Variants in NR2C2 observed in about 807,000 individuals in gnomAD.
NR2C2 encodes the protein Nuclear hormone receptor TR4.
NR2C2 carries 6 observed loss-of-function variants against 62.9 expected under a neutral mutation model. The observed-to-expected ratio is 0.10, with a 90% CI of 0.05 to 0.19. The LOEUF (loss-of-function observed/expected upper bound fraction) is 0.19. NR2C2 is among the 10% of genes least tolerant of loss of function. NR2C2 has a pLI of 1.00. For synonymous variants in NR2C2, 272 were observed against 273.8 expected (o/e 0.99, Z 0.07); for missense variants, 479 against 762.7 (o/e 0.63, Z 4.38).
chr3:15,014,810 G>A (rs2041460719), intron 3 of NR2C2, among the ~76,000 whole-genome samples: 1 of 152,110 alleles, frequency 6.6e-6, no homozygotes, highest in South Asian at 2.1e-4. Flanking sequence ...CCTTTTAAAG[G>A]CTGAGTAGTA....
In NR2C2 at chr3:15,032,277, A is replaced by G. The variant is rs561270939; in HGVS notation, c.1111-102A>G. ...GACTTCAGAATCAGACAGCAACTCT[A>G]GATGCCACTGCTATTGAAGCATGAC... On this transcript the variant is annotated intron_variant, in intron 9 of 13. Transcript: ENST00000425241. 2.6e-6 allele frequency: 4 copies of G among 1,513,898 alleles called. No homozygotes were observed. The African/African-American group carries it at 4.1e-5, about 16-fold the overall frequency. The allele number at this position is 1,513,898 out of a possible 1,614,324, so 93.8% of individuals were successfully genotyped here.
chr3:15,032,459 A>G lies in NR2C2; in HGVS notation c.1191A>G (p.Ser397=), dbSNP rs769009181. 6 of 1,613,980 alleles carry G rather than the reference A, an allele frequency of 3.7e-6. No individual in the cohort carries two copies. The highest frequency in any genetic ancestry group is 2.2e-5 in the East Asian group (1 of 44,898). ...CESASRLLFL[S]MHWARSIPAF... ...CTGCATCCCGTCTGCTTTTCCTCTC[A>G]ATGCACTGGGCTCGGTCAATCCCAG... Residue 397 remains serine, a synonymous_variant, in exon 10 of 14, where the codon TCA becomes TCG. Coordinates refer to ENST00000425241, the MANE Select transcript of NR2C2 (RefSeq NM_001291694.2).
intron 3 of NR2C2, among the ~76,000 whole-genome samples, chr3:15,015,448 A>G (rs938119795): frequency 6.6e-5 from 10 of 152,244 alleles, no homozygotes; most frequent in African/African-American, 2.2e-4. Context: ...TCGGAGTCCT[A>G]GTTATTTAAT....
chr3:15,039,014 G>T lies in NR2C2; in HGVS notation c.1511-108G>T. On this transcript the variant is annotated intron_variant, in intron 12 of 13. Transcript: ENST00000425241. ...CTAGATCAGTCTTTGAGTTCAATTT[G>T]TTGTACTTAAGAAGTTTGCAGAAGT... 4.0e-6 allele frequency: 3 copies of T among 755,328 alleles called. No individual in the cohort carries two copies. The highest frequency in any genetic ancestry group is 4.6e-6 in the Non-Finnish European group (2 of 437,844). 46.8% of individuals were successfully genotyped at this position (755,328 alleles called of 1,614,324 possible). A position where few individuals can be genotyped will look rare whatever the true frequency, so the allele number is the denominator to read the frequency against.
At chr3:15,038,195 G>A (rs969301657) in intron 12 of NR2C2, 58 bp downstream of exon 12, 4 of 1,514,406 alleles carry the variant, frequency 2.6e-6, no homozygotes, top group Non-Finnish European at 3.6e-6. Flanking sequence ...TGATGTTTCT[G>A]AACGTGAACA....
chr3:14,961,120 A>G (rs2039676534), intron 1 of NR2C2, among the ~76,000 whole-genome samples: 1 of 152,202 alleles, frequency 6.6e-6, no homozygotes, highest in Admixed American at 6.5e-5. Flanking sequence ...CTGTCACAGA[A>G]TTTTGACTCC....
chr3:14,983,533 T>A (rs980616368), intron 1 of NR2C2, among the ~76,000 whole-genome samples: 2 of 152,064 alleles, frequency 1.3e-5, no homozygotes, highest in Non-Finnish European at 2.9e-5. Flanking sequence ...GGATTTTGCA[T>A]CTGTGTTCAT....
chr3:15,047,796 C>G lies in NR2C2; in HGVS notation c.*4788C>G, dbSNP rs960109250. The G allele has an allele frequency of 1.3e-5, 2 of 152,250 alleles. No homozygotes were observed. Among genetic ancestry groups the G allele is most frequent in the African/African-American group, 4.8e-5 (2 of 41,464 alleles). 9.4% of individuals were successfully genotyped at this position (152,250 alleles called of 1,614,324 possible). On this transcript the variant is annotated 3_prime_UTR_variant, in exon 14 of 14. Coordinates refer to ENST00000425241, the MANE Select transcript of NR2C2 (RefSeq NM_001291694.2). The stretch of plus-strand genomic sequence containing the variant: ...CATATAAGCTACAGATCTCAAGTTA[C>G]TTCTCTAACTGTAAGCATGTAAATG...
intron 1 of NR2C2, among the ~76,000 whole-genome samples, chr3:14,974,583 G>A (rs536209445): frequency 6.6e-6 from 1 of 150,852 alleles, no homozygotes; most frequent in African/African-American, 2.4e-5. Context: ...TATAGTTTTC[G>A]GTGTATACTT....
At chr3:14,998,722 T>A (rs967130965) in intron 1 of NR2C2, among the ~76,000 whole-genome samples, 1 of 152,338 alleles carries the variant, frequency 6.6e-6, no homozygotes. Flanking sequence ...CAAAACTCAT[T>A]AATTTGAGTT....
chr3:14,998,405 T>G (rs2040892280), intron 1 of NR2C2, among the ~76,000 whole-genome samples: 1 of 152,208 alleles, frequency 6.6e-6, no homozygotes, highest in Non-Finnish European at 1.5e-5. Context: ...AAGGTTCCCA[T>G]CTCCACATTT....
chr3:14,988,882 G>A (rs540635398), intron 1 of NR2C2, among the ~76,000 whole-genome samples: 3 of 152,206 alleles, frequency 2.0e-5, no homozygotes, highest in Admixed American at 6.5e-5. Context: ...ACTTCTGTTT[G>A]TATGTGTGGA....
intron 9 of NR2C2, among the ~76,000 whole-genome samples, chr3:15,030,928 T>C (rs1378259823): frequency 6.6e-6 from 1 of 152,236 alleles, no homozygotes; most frequent in Non-Finnish European, 1.5e-5. Context: ...TCCAGAATGA[T>C]AGTCCCATTA....
At chr3:14,958,560 A>G (rs536194379) in intron 1 of NR2C2, among the ~76,000 whole-genome samples, 5 of 152,320 alleles carry the variant, frequency 3.3e-5, no homozygotes, top group African/African-American at 7.2e-5. Context: ...TATAGTAACC[A>G]CTTAGTGTTA....
At chr3:14,972,121 T>A (rs1221887854) in intron 1 of NR2C2, among the ~76,000 whole-genome samples, 2 of 151,588 alleles carry the variant, frequency 1.3e-5, no homozygotes, top group East Asian at 3.9e-4. Context: ...TAAATTTCTT[T>A]TAATTAAGAA....
At chr3:15,015,972 T>C (rs1028765131) in intron 3 of NR2C2, among the ~76,000 whole-genome samples, 180 bp from the exon 4 acceptor site, 7 of 152,072 alleles carry the variant, frequency 4.6e-5, no homozygotes, top group African/African-American at 1.7e-4. Context: ...TTGACTAATT[T>C]TGTATTTTTA....
At chr3:14,965,543 A>T (rs913074862) in intron 1 of NR2C2, among the ~76,000 whole-genome samples, 1 of 143,618 alleles carries the variant, frequency 7.0e-6, no homozygotes, top group African/African-American at 2.6e-5. Context: ...AAAAAAAAAA[A>T]AAAGCATTTT....
chr3:15,037,259 CAG>C (rs1246756381), intron 11 of NR2C2, among the ~76,000 whole-genome samples: 9 of 149,610 alleles, frequency 6.0e-5, no homozygotes, highest in African/African-American at 2.0e-4. Flanking sequence ...TTTGTAGAGA[CAG>C]AGTCTCATGA....
chr3:14,964,125 C>T (rs987382339), intron 1 of NR2C2, among the ~76,000 whole-genome samples: 2 of 152,114 alleles, frequency 1.3e-5, no homozygotes, highest in African/African-American at 2.4e-5. Flanking sequence ...ATAACAAAAC[C>T]AGTTTTACCC....
Sources: allele counts gnomAD v4.1 joint callset (sites outside exome capture counted in the v4.1 genomes callset), GRCh38; gene constraint gnomAD v4.1.1; transcripts MANE v1.5; gene names NCBI Gene and HGNC (gene_info 2026-07-23, HGNC 2026-07-21).